Variants in GFRA2 observed in about 807,000 individuals in gnomAD.
The protein encoded by GFRA2 is GDNF family receptor alpha-2.
GFRA2 carries 17 observed loss-of-function variants against 48.3 expected under a neutral mutation model. The ratio of observed to expected loss-of-function variants is 0.35; its 90% confidence interval spans 0.24 to 0.53. The LOEUF is 0.53. Among genes scored for constraint, GFRA2 ranks in the 20% least tolerant of loss-of-function variants. The probability of loss-of-function intolerance (pLI) is 0.93; values close to 1 mark genes in which losing one functional copy is unlikely to be tolerated. For synonymous variants in GFRA2, 305 were observed against 257.2 expected (o/e 1.19, Z -1.78); for missense variants, 660 against 637.3 (o/e 1.04, Z -0.38).
intron 1 of GFRA2, among the ~76,000 whole-genome samples, chr8:21,810,027 C>T (rs995864931): frequency 1.6e-4 from 24 of 152,170 alleles, no homozygotes; most frequent in Non-Finnish European, 2.5e-4. Flanking sequence ...CATCTCCCAA[C>T]GCATGATCTG....
At chr8:21,810,813 C>T (rs375782129) in intron 1 of GFRA2, among the ~76,000 whole-genome samples, 3 of 152,174 alleles carry the variant, frequency 2.0e-5, no homozygotes, top group African/African-American at 7.2e-5. Flanking sequence ...TGAGGCTCCT[C>T]TCCTGGGAAC....
intron 3 of GFRA2, among the ~76,000 whole-genome samples, chr8:21,762,276 C>T (rs990131068): frequency 5.3e-5 from 8 of 152,160 alleles, no homozygotes; most frequent in Non-Finnish European, 8.8e-5. Context: ...GTGTCCCCGT[C>T]CCCAGGAGCT....
At chr8:21,760,531 G>C (rs141419289) in intron 3 of GFRA2, among the ~76,000 whole-genome samples, 33 of 152,354 alleles carry the variant, frequency 2.2e-4, no homozygotes, top group Non-Finnish European at 3.7e-4. Flanking sequence ...CACGAAAAAG[G>C]AAAGACTTGG....
In GFRA2 at chr8:21,748,536, C is replaced by T. The variant is rs369596931; in HGVS notation, c.794+2052G>A. ...CTCTGAAATAATCCAGTTTTCTCCA[C>T]ACCCACACTCACTATCTTAGTCTGG... On this transcript the variant is annotated intron_variant, in intron 4 of 8. Transcript: ENST00000524240. Among the ~76,000 whole-genome samples the T allele has an allele frequency of 1.9e-4, 29 of 152,316 alleles. 1 individual carries two copies. The highest frequency in any genetic ancestry group is 1.0e-3 in the South Asian group (5 of 4,826).
chr8:21,709,747 G>A (rs964511693), intron 4 of GFRA2, among the ~76,000 whole-genome samples: 12 of 152,148 alleles, frequency 7.9e-5, no homozygotes, highest in Non-Finnish European at 1.5e-5. Context: ...AGTGCACAGG[G>A]AGCCTTGCTT....
At chr8:21,774,084 G>GAGAACA (rs775824236) in intron 3 of GFRA2, among the ~76,000 whole-genome samples, 2 of 152,118 alleles carry the variant, frequency 1.3e-5, no homozygotes, top group Non-Finnish European at 2.9e-5. Context: ...AAAGATCCCT[G>GAGAACA]AGAACAAGCC....
intron 4 of GFRA2, among the ~76,000 whole-genome samples, chr8:21,708,366 G>C (rs566840973): frequency 1.3e-5 from 2 of 152,198 alleles, no homozygotes; most frequent in South Asian, 4.1e-4. Flanking sequence ...GCAAATGAGA[G>C]AGAGTGCTAT....
At chr8:21,742,010 A>T (rs949828426) in intron 4 of GFRA2, among the ~76,000 whole-genome samples, 2 of 152,144 alleles carry the variant, frequency 1.3e-5, no homozygotes, top group Non-Finnish European at 2.9e-5. Flanking sequence ...ACTGATTGGG[A>T]AGAAAAATAT....
chr8:21,734,327 A>T (rs899653501), intron 4 of GFRA2, among the ~76,000 whole-genome samples: 2 of 152,182 alleles, frequency 1.3e-5, no homozygotes, highest in African/African-American at 4.8e-5. Flanking sequence ...GTATCCAAGC[A>T]CCCAGCCTTC....
intron 4 of GFRA2, among the ~76,000 whole-genome samples, chr8:21,708,784 G>C (rs1388583697): frequency 6.6e-6 from 1 of 152,150 alleles, no homozygotes; most frequent in Non-Finnish European, 1.5e-5. Context: ...AAAGAGAAAG[G>C]CATGCAACAG....
At chr8:21,756,209 G>A (rs1037920336) in intron 3 of GFRA2, among the ~76,000 whole-genome samples, 3 of 152,194 alleles carry the variant, frequency 2.0e-5, no homozygotes, top group African/African-American at 4.8e-5. Flanking sequence ...TATAGCCTCC[G>A]TGGCTTCCAT....
chr8:21,793,246 C>T (rs1481364911), upstream of GFRA2, among the ~76,000 whole-genome samples: 1 of 152,098 alleles, frequency 6.6e-6, no homozygotes, highest in Non-Finnish European at 1.5e-5. Context: ...AGGCAACTGA[C>T]ATGATGAGAA....
chr8:21,746,389 T>C (rs555969885), intron 4 of GFRA2, among the ~76,000 whole-genome samples: 7 of 152,216 alleles, frequency 4.6e-5, no homozygotes, highest in East Asian at 1.9e-4. Context: ...CGGGACCACA[T>C]TGAAATTTGC....
At chr8:21,753,150 T>C (rs931890437) in intron 3 of GFRA2, among the ~76,000 whole-genome samples, 7 of 152,144 alleles carry the variant, frequency 4.6e-5, no homozygotes, top group African/African-American at 1.7e-4. Context: ...CCTACACACC[T>C]CTATATGTGT....
At chr8:21,745,338 G>A (rs947830567) in intron 4 of GFRA2, among the ~76,000 whole-genome samples, 3 of 152,210 alleles carry the variant, frequency 2.0e-5, no homozygotes, top group African/African-American at 7.2e-5. Context: ...GGCCAAGCAG[G>A]CCTGGCTGTA....
intron 3 of GFRA2, among the ~76,000 whole-genome samples, chr8:21,772,129 ACTGCTCCAAGCTCATGTCCTCAT>A: frequency 6.6e-6 from 1 of 152,250 alleles, no homozygotes; most frequent in South Asian, 2.1e-4. Context: ...GTTGGGAAGC[ACTGCTCCAAGCTCATGTCCTCAT>A]TCAGACAGAA....
chr8:21,788,843 G>T lies in GFRA2; in HGVS notation c.-684C>A. The T allele has an allele frequency of 1.0e-6, 1 of 968,466 alleles. No homozygotes were observed. Among genetic ancestry groups the T allele is most frequent in the African/African-American group, 1.8e-5 (1 of 56,690 alleles). 60.0% of individuals were successfully genotyped at this position (968,466 alleles called of 1,614,324 possible). ...CCTCTCTCTCTCTCTCCTCTCCCTC[G>T]CTCGCTCTTTGCTCTCGCTCTCTCC... is the stretch of plus-strand genomic sequence containing the variant. On this transcript the variant is annotated 5_prime_UTR_variant, in exon 1 of 9. Transcript: ENST00000524240.
intron 4 of GFRA2, among the ~76,000 whole-genome samples, chr8:21,719,171 A>C (rs1803478354): frequency 6.6e-6 from 1 of 152,138 alleles, no homozygotes; most frequent in Non-Finnish European, 1.5e-5. Context: ...CCAGCCACCA[A>C]CAAGAGACCA....
At chr8:21,766,917 A>T (rs909334791) in intron 3 of GFRA2, among the ~76,000 whole-genome samples, 1 of 125,040 alleles carries the variant, frequency 8.0e-6, no homozygotes, top group African/African-American at 3.3e-5. Context: ...GCTAACACAT[A>T]CCTACACACA....
Sources: gnomAD v4.1 joint callset for allele counts (sites outside exome capture counted in the v4.1 genomes callset) on GRCh38, gnomAD v4.1.1 for gene constraint, MANE v1.5 for transcripts, NCBI Gene and HGNC (gene_info 2026-07-23, HGNC 2026-07-21) for gene names.